Variants in USP43 observed in about 807,000 individuals in gnomAD.
USP43 encodes the protein ubiquitin specific peptidase 43.
USP43 carries 33 observed loss-of-function variants against 90.7 expected under a neutral mutation model. That is an observed-to-expected ratio of 0.36 (90% CI 0.28 to 0.49). The LOEUF (loss-of-function observed/expected upper bound fraction) is 0.49. USP43 is among the 20% of genes least tolerant of loss of function. The pLI is 0.98. For synonymous variants in USP43, 598 were observed against 615.8 expected, an observed-to-expected ratio of 0.97 and a Z score of 0.43; for missense variants, 1,274 against 1,476.4, an observed-to-expected ratio of 0.86 and a Z score of 2.25.
intron 13 of USP43, among the ~76,000 whole-genome samples, chr17:9,710,872 G>A (rs185096305): frequency 4.1e-4 from 62 of 151,898 alleles, no homozygotes; most frequent in Admixed American, 3.7e-3. Flanking sequence ...ACCCTTTCAC[G>A]TGATTTGTTT....
chr17:9,722,199 T>C (rs1223682449), intron 14 of USP43, among the ~76,000 whole-genome samples: 16 of 152,220 alleles, frequency 1.1e-4, no homozygotes, highest in Non-Finnish European at 2.2e-4. Context: ...CTTAATGTTT[T>C]CAACCTTAAA....
chr17:9,681,476 AT>A (rs1337441519), intron 6 of USP43, among the ~76,000 whole-genome samples: 1 of 20,730 alleles, frequency 4.8e-5, no homozygotes, highest in Admixed American at 6.7e-4. Flanking sequence ...ATATATATAT[AT>A]ATATATATAT....
chr17:9,701,264 A>G lies in USP43; in HGVS notation c.1662+19A>G, dbSNP rs1352846430. The stretch of plus-strand genomic sequence containing the variant: ...GGAGCAGGTCCCGCCCTGGGGGTCC[A>G]TGCCCCGGCCGGGAAGGGGGCTGGC... On this transcript the variant is annotated intron_variant, in intron 11 of 14. Coordinates refer to ENST00000285199, the MANE Select transcript of USP43 (RefSeq NM_153210.5). This position sits in a 1 kb window ranked among gnomAD's most constrained non-coding sequence, Gnocchi z 7.2. 6.2e-7 allele frequency: 1 copy of G among 1,605,238 alleles called. No homozygotes were observed. The highest frequency in any genetic ancestry group is 1.7e-5 in the Admixed American group (1 of 59,188).
intron 8 of USP43, among the ~76,000 whole-genome samples, chr17:9,691,778 G>T (rs1267550960): frequency 6.6e-6 from 1 of 152,090 alleles, no homozygotes; most frequent in African/African-American, 2.4e-5. Context: ...GCCAGGTGCG[G>T]TGGCTCATGC....
At position 9,676,735 on chromosome 17, in the gene USP43, C is replaced by G. The variant is rs1408866881; in HGVS notation, c.834-11C>G. ...AGTCCTTTAAGGGTGTTGCCCCTTC[C>G]TATTTTCCAGGTTCTTGAGTGTCAC... On this transcript the variant is annotated splice_polypyrimidine_tract_variant and intron_variant, in intron 4 of 14. Transcript: ENST00000285199. The G allele has an allele frequency of 6.2e-7, 1 of 1,611,646 alleles. No individual in the cohort carries two copies. Among genetic ancestry groups the G allele is most frequent in the Non-Finnish European group, 8.5e-7 (1 of 1,178,798 alleles).
Position 9,691,819 on chromosome 17 carries a change from C to T in USP43, c.1354-1308C>T, listed in dbSNP as rs540386082. Among the ~76,000 whole-genome samples the T allele has an allele frequency of 4.0e-5, 6 of 149,558 alleles. No individual in the cohort carries two copies. In the East Asian group the frequency reaches 8.1e-4, roughly 20 times the overall value. ...ATCCCAGCACTTTGGGAGGCCAAGG[C>T]GGATGAGGTCAGGAGATCGAGACCA... On this transcript the variant is annotated intron_variant, in intron 8 of 14. Coordinates refer to ENST00000285199, the MANE Select transcript of USP43 (RefSeq NM_153210.5).
rs1567677725 is a variant in USP43 at position 9,709,767 on chromosome 17, T to C, written c.2012-189T>C. Among the ~76,000 whole-genome samples the C allele has an allele frequency of 6.6e-6, 1 of 152,170 alleles. No individual in the cohort carries two copies. Among genetic ancestry groups the C allele is most frequent in the Non-Finnish European group, 1.5e-5 (1 of 68,024 alleles). ...ATAAAAATAATAACAGCACTTGTTATAGTAAGAATCCGAGGGTATAACTTA... is the reference window on the plus strand; with the variant it reads ...ATAAAAATAATAACAGCACTTGTTACAGTAAGAATCCGAGGGTATAACTTA... On this transcript the variant is annotated intron_variant, in intron 12 of 14. Coordinates refer to ENST00000285199, the MANE Select transcript of USP43 (RefSeq NM_153210.5). This position sits in a 1 kb window ranked among gnomAD's most constrained non-coding sequence, Gnocchi z 5.0.
rs1165034211 is a variant in USP43, at chr17:9,681,478, A to T, written c.1105+1112A>T. Among the ~76,000 whole-genome samples, 70 of 22,416 alleles carry T rather than the reference A, an allele frequency of 3.1e-3. 1 individual carries two copies. Among genetic ancestry groups the T allele is most frequent in the African/African-American group, 0.024 (63 of 2,584 alleles). The allele number at this position is 22,416 out of a possible 152,430, so 14.7% of individuals were successfully genotyped here. On this transcript the variant is annotated intron_variant, in intron 6 of 14. Coordinates refer to ENST00000285199, the MANE Select transcript of USP43 (RefSeq NM_153210.5). ...TAAAATATATTATATATATATATATATATATATATATATATATATATATAT... is the reference window on the plus strand; with the variant it reads ...TAAAATATATTATATATATATATATTTATATATATATATATATATATATAT...
intron 7 of USP43, among the ~76,000 whole-genome samples, chr17:9,685,637 G>A (rs1012778456): frequency 2.0e-5 from 3 of 152,098 alleles, no homozygotes; most frequent in African/African-American, 7.2e-5. Flanking sequence ...TCTCTGATTG[G>A]CAATTTTGTA....
intron 14 of USP43, among the ~76,000 whole-genome samples, chr17:9,713,535 G>C (rs1567680171): frequency 6.6e-6 from 1 of 152,170 alleles, no homozygotes; most frequent in Non-Finnish European, 1.5e-5. Flanking sequence ...ATAGTTTGTA[G>C]AGAGTCTACT....
rs1032238727 is a variant in USP43 at position 9,649,489 on chromosome 17, T to C, written c.504+3353T>C. 2.6e-5 allele frequency among the ~76,000 whole-genome samples: 4 copies of C among 152,036 alleles called. 1 individual carries two copies. Among genetic ancestry groups the C allele is most frequent in the South Asian group, 4.2e-4 (2 of 4,816 alleles). On this transcript the variant is annotated intron_variant, in intron 1 of 14. Transcript: ENST00000285199. ...GGCCCTGTCACCCAGATAGTGAACA[T>C]AGTGCTCAACAGGAAGGTTTTCGGC...
At chr17:9,647,945 T>C (rs112798539) in intron 1 of USP43, among the ~76,000 whole-genome samples, 4,089 of 151,652 alleles carry the variant, frequency 0.027, 178 homozygotes, top group African/African-American at 0.092. Context: ...GGCGTGAACC[T>C]GGGAGGCGGA....
chr17:9,718,009 G>C (rs1479670486), intron 14 of USP43, among the ~76,000 whole-genome samples: 4 of 151,576 alleles, frequency 2.6e-5, no homozygotes, highest in Non-Finnish European at 5.9e-5. Flanking sequence ...TGTTGGCCAG[G>C]ATGGTCTCGA....
At chr17:9,663,872 G>T (rs1397862194) in intron 2 of USP43, among the ~76,000 whole-genome samples, 1 of 152,112 alleles carries the variant, frequency 6.6e-6, no homozygotes, top group African/African-American at 2.4e-5. Context: ...TGATCCACCC[G>T]CCTTGGCCTC....
intron 1 of USP43, among the ~76,000 whole-genome samples, chr17:9,650,648 C>T (rs1400246065): frequency 6.6e-6 from 1 of 152,134 alleles, no homozygotes; most frequent in Non-Finnish European, 1.5e-5. Flanking sequence ...AGTGATCCAC[C>T]TGCCTCGGCC....
intron 6 of USP43, among the ~76,000 whole-genome samples, chr17:9,681,471 T>G (rs1440028539): frequency 6.1e-5 from 1 of 16,522 alleles, no homozygotes; most frequent in African/African-American, 7.4e-4. Context: ...ATTATATATA[T>G]ATATATATAT....
At chr17:9,655,084 GAAAAAAAA>G (rs57985388) in intron 1 of USP43, among the ~76,000 whole-genome samples, 5 of 37,326 alleles carry the variant, frequency 1.3e-4, no homozygotes, top group East Asian at 1.1e-3. Context: ...AGAAAGAAAG[GAAAAAAAA>G]AAAAAAAAAA....
At chr17:9,718,734 G>T (rs1916753900) in intron 14 of USP43, among the ~76,000 whole-genome samples, 1 of 152,000 alleles carries the variant, frequency 6.6e-6, no homozygotes, top group Admixed American at 6.5e-5. Context: ...CAGCTACTCA[G>T]GAGGCTGAGG....
At chr17:9,657,233 G>A (rs11657308) in intron 2 of USP43, among the ~76,000 whole-genome samples, 12,035 of 152,166 alleles carry the variant, frequency 0.079, 480 homozygotes, top group South Asian at 0.13. Context: ...GAGGCCGGGC[G>A]CGGTGACTCA....
Sources: allele counts gnomAD v4.1 joint callset (sites outside exome capture counted in the v4.1 genomes callset), GRCh38; gene constraint gnomAD v4.1.1; non-coding constraint Gnocchi (gnomAD v3.1); transcripts MANE v1.5; gene names NCBI Gene and HGNC (gene_info 2026-07-23, HGNC 2026-07-21).